Variants in RAP1GAP2 observed in about 807,000 individuals in gnomAD.
RAP1GAP2 encodes the protein rap1 GTPase-activating protein 2.
In RAP1GAP2, 27 loss-of-function variants were observed where a neutral mutation model predicts 95.0. The ratio of observed to expected loss-of-function variants is 0.28; its 90% CI spans 0.21 to 0.39. The LOEUF (loss-of-function observed/expected upper bound fraction) is 0.39. Ranked by LOEUF, RAP1GAP2 falls within the 10% of genes least tolerant of loss-of-function variation. The pLI is 1.00. For missense variants in RAP1GAP2, 771 were observed against 970.0 expected (o/e 0.79, Z 2.72); for synonymous variants, 373 against 380.9 (o/e 0.98, Z 0.24).
chr17:2,932,332 A>C (rs551038639), intron 3 of RAP1GAP2, among the ~76,000 whole-genome samples: 26 of 151,936 alleles, frequency 1.7e-4, no homozygotes, highest in African/African-American at 6.0e-4. Flanking sequence ...GGGGCACCTC[A>C]TGGTCTCTCT....
intron 3 of RAP1GAP2, among the ~76,000 whole-genome samples, chr17:2,926,247 G>A (rs1424602639): frequency 6.6e-6 from 1 of 152,184 alleles, no homozygotes; most frequent in Non-Finnish European, 1.5e-5. Context: ...CGGCCCATCG[G>A]TGCAGCCTGA....
chr17:2,876,804 G>A (rs2073114607), intron 2 of RAP1GAP2, among the ~76,000 whole-genome samples: 1 of 152,032 alleles, frequency 6.6e-6, no homozygotes. Flanking sequence ...CAGTTTTTCT[G>A]GCTAACTTTG....
rs532451819 is a variant in RAP1GAP2 at position 3,006,858 on chromosome 17, G to A, written c.1359+817G>A. Among the ~76,000 whole-genome samples the A allele has an allele frequency of 4.6e-5, 7 of 152,224 alleles. No individual in the cohort carries two copies. In the South Asian group the frequency reaches 1.5e-3, roughly 32 times the overall value. ...GGGTAGTCGGGGGGTGGGGCAGGGG[G>A]TCATTACTAAATAGATAGTTATAGT... On this transcript the variant is annotated intron_variant, in intron 16 of 24. Coordinates refer to ENST00000254695, the MANE Select transcript of RAP1GAP2 (RefSeq NM_015085.5).
chr17:2,891,250 C>G (rs184385822), intron 2 of RAP1GAP2, among the ~76,000 whole-genome samples: 24 of 151,932 alleles, frequency 1.6e-4, no homozygotes, highest in African/African-American at 5.8e-4. Context: ...AGGGTTCAAG[C>G]GATCCCCCTA....
intron 2 of RAP1GAP2, among the ~76,000 whole-genome samples, chr17:2,869,498 C>T (rs1276141647): frequency 2.0e-5 from 3 of 151,830 alleles, no homozygotes; most frequent in South Asian, 2.1e-4. Context: ...ATAGAAAAAG[C>T]GTTCCTCTGG....
intron 12 of RAP1GAP2, among the ~76,000 whole-genome samples, chr17:2,994,324 A>G (rs2045881102): frequency 6.6e-6 from 1 of 151,976 alleles, no homozygotes; most frequent in Non-Finnish European, 1.5e-5. Flanking sequence ...ATCTTATTTC[A>G]TTTTCTTAAA....
At chr17:2,927,352 A>C (rs559593073) in intron 3 of RAP1GAP2, among the ~76,000 whole-genome samples, 6 of 151,688 alleles carry the variant, frequency 4.0e-5, no homozygotes, top group East Asian at 3.9e-4. Context: ...ACGGGGTTTC[A>C]CCGTGTTAGC....
At chr17:2,820,396 G>A (rs1004678077) in intron 2 of RAP1GAP2, among the ~76,000 whole-genome samples, 4 of 152,172 alleles carry the variant, frequency 2.6e-5, no homozygotes, top group East Asian at 1.9e-4. Context: ...CAAGGTGGGC[G>A]GATCACTTGA....
chr17:2,768,009 G>T (rs2068310117), intron 1 of RAP1GAP2, among the ~76,000 whole-genome samples: 1 of 152,158 alleles, frequency 6.6e-6, no homozygotes, highest in Admixed American at 6.5e-5. Context: ...TGGGATTACA[G>T]GCGTGAGCCA....
chr17:2,785,919 T>A (rs948403219), intron 1 of RAP1GAP2, among the ~76,000 whole-genome samples: 3 of 150,796 alleles, frequency 2.0e-5, no homozygotes, highest in Non-Finnish European at 4.4e-5. Context: ...TTTTTTTTTT[T>A]AGACAGAGAT....
chr17:2,921,715 A>ACGGGGCGTTAAGGTGTCCG (rs1555569369), intron 3 of RAP1GAP2, among the ~76,000 whole-genome samples: 4 of 149,660 alleles, frequency 2.7e-5, no homozygotes, highest in Admixed American at 1.3e-4. Context: ...TTATGTGTCC[A>ACGGGGCGTTAAGGTGTCCG]CAGGGCCGTT....
At chr17:3,009,603 C>A (rs1393390998) in intron 17 of RAP1GAP2, among the ~76,000 whole-genome samples, 1 of 152,196 alleles carries the variant, frequency 6.6e-6, no homozygotes, top group Non-Finnish European at 1.5e-5. Context: ...GTCAGTCCCC[C>A]ACTGCCCGGC....
chr17:2,977,256 T>C (rs1367557139), intron 8 of RAP1GAP2, among the ~76,000 whole-genome samples: 3 of 152,204 alleles, frequency 2.0e-5, no homozygotes, highest in African/African-American at 7.2e-5. Context: ...ATGTGCTTAA[T>C]GAATGCTTTT....
intron 2 of RAP1GAP2, among the ~76,000 whole-genome samples, chr17:2,828,267 G>C (rs1329343828): frequency 6.6e-6 from 1 of 152,140 alleles, no homozygotes; most frequent in Non-Finnish European, 1.5e-5. Flanking sequence ...CTTGAACCTG[G>C]GAGGCGGAGG....
chr17:2,850,749 CAAA>C lies in RAP1GAP2; in HGVS notation c.80+50218_80+50220del, dbSNP rs11323119. On this transcript the variant is annotated intron_variant, in intron 2 of 24. Coordinates refer to ENST00000254695, the MANE Select transcript of RAP1GAP2 (RefSeq NM_015085.5). ...TGAGGGATGGAGCAAGACTCCACCT[CAAA>C]AAAAAAAAAAAAAAAAAATTAAGTA... Among the ~76,000 whole-genome samples the C allele has an allele frequency of 1.8e-3, 163 of 91,246 alleles. 1 individual carries two copies. The highest frequency in any genetic ancestry group is 0.016 in the East Asian group (55 of 3,340). 59.9% of individuals were successfully genotyped at this position (91,246 alleles called of 152,430 possible). A position where few individuals can be genotyped will look rare whatever the true frequency, so the allele number is the denominator to read the frequency against.
intron 3 of RAP1GAP2, among the ~76,000 whole-genome samples, chr17:2,936,114 T>TA (rs1218479650): frequency 6.6e-6 from 1 of 151,616 alleles, no homozygotes; most frequent in African/African-American, 2.4e-5. Context: ...TTTTTTTTTT[T>TA]TTATTATTAT....
chr17:2,977,573 C>T (rs1364531578), intron 8 of RAP1GAP2, among the ~76,000 whole-genome samples: 4 of 151,374 alleles, frequency 2.6e-5, no homozygotes, highest in African/African-American at 4.9e-5. Flanking sequence ...GGTGAAACCT[C>T]GTCTCTACTA....
chr17:2,932,060 C>T (rs925582756), intron 3 of RAP1GAP2, among the ~76,000 whole-genome samples: 4 of 152,204 alleles, frequency 2.6e-5, no homozygotes, highest in Admixed American at 6.6e-5. Context: ...AGGCCAGGGA[C>T]GGCTCCAGCA....
In RAP1GAP2 at chr17:2,903,131, C is replaced by T. The variant is rs1009314172; in HGVS notation, c.81-2153C>T. Among the ~76,000 whole-genome samples, 14 of 152,184 alleles carry T rather than the reference C, an allele frequency of 9.2e-5. No homozygotes were observed. The highest frequency in any genetic ancestry group is 2.9e-4 in the African/African-American group (12 of 41,438). On this transcript the variant is annotated intron_variant, in intron 2 of 24. Coordinates refer to ENST00000254695, the MANE Select transcript of RAP1GAP2 (RefSeq NM_015085.5). This position sits in a 1 kb window ranked among gnomAD's most constrained non-coding sequence, Gnocchi z 4.1. ...CATCTGGTGGGGGCTTGTTTTACTT[C>T]CCCTCCCTGCGTGCTTTTCCTTGCT...
Sources: allele counts gnomAD v4.1 joint callset (sites outside exome capture counted in the v4.1 genomes callset), GRCh38; gene constraint gnomAD v4.1.1; non-coding constraint Gnocchi (gnomAD v3.1); transcripts MANE v1.5; gene names NCBI Gene and HGNC (gene_info 2026-07-23, HGNC 2026-07-21).